Variants in PDE4D observed in about 807,000 individuals in gnomAD.
The protein encoded by PDE4D is phosphodiesterase 4D, also known as 3',5'-cyclic-AMP phosphodiesterase 4D.
PDE4D carries 24 observed loss-of-function variants against 87.4 expected under a neutral mutation model. The ratio of observed to expected loss-of-function variants is 0.27; its 90% CI spans 0.20 to 0.39. PDE4D has a LOEUF of 0.39. Among genes scored for constraint, PDE4D ranks in the 10% least tolerant of loss-of-function variants. The pLI is 1.00. For synonymous variants in PDE4D, 384 were observed against 383.2 expected (o/e 1.00, Z -0.02); for missense variants, 714 against 1,041.0 (o/e 0.69, Z 4.32).
At chr5:59,893,734 C>A, upstream of PDE4D, 2 of 1,374,814 alleles carry the variant, frequency 1.5e-6, no homozygotes, top group Non-Finnish European at 1.9e-6. Flanking sequence ...TGCAGCCCAG[C>A]AGAGGCTGGT....
chr5:60,196,791 AT>A (rs1206200475), intron 1 of PDE4D, among the ~76,000 whole-genome samples: 1 of 151,608 alleles, frequency 6.6e-6, no homozygotes, highest in Non-Finnish European at 1.5e-5. Context: ...TGAGCCTTTT[AT>A]TCTTTTTAAT....
intron 2 of PDE4D, among the ~76,000 whole-genome samples, chr5:60,108,977 A>C (rs1777363661): frequency 6.6e-6 from 1 of 152,264 alleles, no homozygotes; most frequent in South Asian, 2.1e-4. Context: ...AAACCATCAA[A>C]AGCAATGGCA....
At chr5:59,145,548 A>G (rs1356115098) in intron 5 of PDE4D, among the ~76,000 whole-genome samples, 2 of 152,222 alleles carry the variant, frequency 1.3e-5, no homozygotes, top group African/African-American at 4.8e-5. Context: ...TTTTACATTC[A>G]CCTAGAATGA....
intron 1 of PDE4D, among the ~76,000 whole-genome samples, chr5:59,783,673 G>T (rs770430491): frequency 1.3e-5 from 2 of 152,194 alleles, no homozygotes; most frequent in Non-Finnish European, 2.9e-5. Context: ...ATTGGAGTAA[G>T]ATTCCATTCA....
At chr5:59,902,819 A>G (rs1233082744) in intron 3 of PDE4D, among the ~76,000 whole-genome samples, 4 of 152,132 alleles carry the variant, frequency 2.6e-5, no homozygotes, top group Non-Finnish European at 4.4e-5. Context: ...CTGTATTTGT[A>G]ATCTCCCCAG....
chr5:59,295,838 G>GAA (rs762948605), intron 1 of PDE4D, among the ~76,000 whole-genome samples: 2 of 122,440 alleles, frequency 1.6e-5, no homozygotes, highest in Non-Finnish European at 3.5e-5. Flanking sequence ...CTAAGTGTAA[G>GAA]AAAAAAAAAA....
intron 1 of PDE4D, among the ~76,000 whole-genome samples, chr5:59,264,795 C>T (rs770168102): frequency 1.2e-4 from 18 of 151,992 alleles, no homozygotes; most frequent in South Asian, 2.1e-4. Flanking sequence ...CCTGCTCTAA[C>T]GTATTGCATT....
chr5:60,392,007 C>T (rs1762590129), intron 1 of PDE4D, among the ~76,000 whole-genome samples: 1 of 152,166 alleles, frequency 6.6e-6, no homozygotes, highest in African/African-American at 2.4e-5. Context: ...CCTGGGATGA[C>T]TAACTCAATC....
chr5:59,723,533 A>C (rs11739906), intron 1 of PDE4D, among the ~76,000 whole-genome samples: 45,895 of 151,980 alleles, frequency 0.3, 7,165 homozygotes, highest in Middle Eastern at 0.5. Context: ...AATGAGAAAA[A>C]CAGAAGTTGT....
At chr5:59,637,070 A>G (rs1832339751) in intron 1 of PDE4D, among the ~76,000 whole-genome samples, 1 of 152,246 alleles carries the variant, frequency 6.6e-6, no homozygotes, top group Non-Finnish European at 1.5e-5. Flanking sequence ...CAACCCCATC[A>G]AAAAGCAGAC....
At chr5:59,300,295 G>C (rs556481191) in intron 1 of PDE4D, among the ~76,000 whole-genome samples, 1 of 152,006 alleles carries the variant, frequency 6.6e-6, no homozygotes, top group South Asian at 2.1e-4. Context: ...ATTTGCCAGG[G>C]CCTAAATCAG....
At chr5:59,619,710 C>T (rs1042450169) in intron 1 of PDE4D, among the ~76,000 whole-genome samples, 4 of 152,150 alleles carry the variant, frequency 2.6e-5, no homozygotes, top group Admixed American at 2.0e-4. Flanking sequence ...GAGGAATAGA[C>T]TGTTTTATGC....
At chr5:60,434,336 G>A (rs958074936) in intron 1 of PDE4D, among the ~76,000 whole-genome samples, 4 of 152,030 alleles carry the variant, frequency 2.6e-5, no homozygotes, top group Admixed American at 6.6e-5. Context: ...TAAGTGATGG[G>A]GATTGAAAGC....
At chr5:59,872,300 C>CACACACACACACACACACA (rs10693446) in intron 1 of PDE4D, among the ~76,000 whole-genome samples, 1 of 146,862 alleles carries the variant, frequency 6.8e-6, no homozygotes, top group African/African-American at 2.6e-5. Flanking sequence ...CACACACACA[C>CACACACACACACACACACA]AAGAGCACAC....
intron 1 of PDE4D, among the ~76,000 whole-genome samples, chr5:60,461,518 A>T (rs1746943500): frequency 6.6e-6 from 1 of 152,260 alleles, no homozygotes; most frequent in South Asian, 2.1e-4. Context: ...TTTAATAATT[A>T]TTCAAGATTC....
rs533151247 is a variant in PDE4D at position 59,733,818 on chromosome 5, A to T, written c.455+159350T>A. On this transcript the variant is annotated intron_variant, in intron 1 of 14. Coordinates refer to ENST00000340635, the MANE Select transcript of PDE4D (RefSeq NM_001104631.2). ...TTTGTGGATGAGTATTAAGCATATA[A>T]GTTAGAAAATACCAATTTTATTACT... Among the ~76,000 whole-genome samples the T allele has an allele frequency of 7.9e-5, 12 of 152,168 alleles. No homozygotes were observed. In the South Asian group the frequency reaches 1.0e-3, roughly 13 times the overall value.
intron 2 of PDE4D, among the ~76,000 whole-genome samples, chr5:60,128,184 T>C (rs1779273570): frequency 6.6e-6 from 1 of 152,200 alleles, no homozygotes. Context: ...TCAGTAAAGA[T>C]GATCTTGGGA....
intron 1 of PDE4D, among the ~76,000 whole-genome samples, chr5:60,403,958 G>C (rs1741306119): frequency 6.6e-6 from 1 of 152,130 alleles, no homozygotes; most frequent in South Asian, 2.1e-4. Context: ...TCTTTGGTTT[G>C]CAATATTGCA....
chr5:59,774,689 C>CT (rs71604800), intron 1 of PDE4D, among the ~76,000 whole-genome samples: 5,685 of 132,378 alleles, frequency 0.043, 135 homozygotes, highest in Middle Eastern at 0.053. Context: ...TTTCTTTTTT[C>CT]TTTTTTTTTT....
Sources: gnomAD v4.1 joint callset for allele counts (sites outside exome capture counted in the v4.1 genomes callset) on GRCh38, gnomAD v4.1.1 for gene constraint, MANE v1.5 for transcripts, NCBI Gene and HGNC (gene_info 2026-07-23, HGNC 2026-07-21) for gene names.